Variants in SGCD observed in about 807,000 individuals in gnomAD.
The protein encoded by SGCD is delta-sarcoglycan.
SGCD carries 18 observed loss-of-function variants against 36.6 expected under a neutral mutation model. The observed-to-expected ratio is 0.49, with a 90% CI of 0.34 to 0.73. The LOEUF (loss-of-function observed/expected upper bound fraction) is 0.73. SGCD is among the 30% of genes least tolerant of loss of function. The pLI, the probability that SGCD is intolerant of heterozygous loss-of-function variation, is 0.01. For missense variants in SGCD, 387 were observed against 346.7 expected (o/e 1.12, Z -0.92); for synonymous variants, 133 against 130.6 (o/e 1.02, Z -0.12).
At chr5:156,412,696 C>T (rs1772824382) in intron 3 of SGCD, among the ~76,000 whole-genome samples, 2 of 152,102 alleles carry the variant, frequency 1.3e-5, no homozygotes, top group East Asian at 3.9e-4. Context: ...AATATTCATT[C>T]CTTAATGTGG....
At chr5:156,642,701 T>G (rs1469133873) in intron 6 of SGCD, among the ~76,000 whole-genome samples, 2 of 152,022 alleles carry the variant, frequency 1.3e-5, no homozygotes, top group Admixed American at 1.3e-4. Context: ...ACTCCTGACG[T>G]CATGATCCGC....
chr5:156,488,098 G>GT (rs559483068), intron 3 of SGCD, among the ~76,000 whole-genome samples: 9,872 of 91,384 alleles, frequency 0.11, 918 homozygotes, highest in East Asian at 0.21. Flanking sequence ...TTGAAGACAG[G>GT]TTTTTTTTTT....
intron 3 of SGCD, among the ~76,000 whole-genome samples, chr5:156,290,825 G>A (rs1766740089): frequency 6.6e-6 from 1 of 152,040 alleles, no homozygotes; most frequent in South Asian, 2.1e-4. Flanking sequence ...TGTAATCCCT[G>A]AACACATCTG....
intron 7 of SGCD, among the ~76,000 whole-genome samples, chr5:156,681,007 G>T (rs1483306624): frequency 6.6e-6 from 1 of 152,144 alleles, no homozygotes; most frequent in Non-Finnish European, 1.5e-5. Context: ...CTCCTCTCTG[G>T]CAGAAGCAGG....
chr5:156,097,545 T>G (rs1761411425), intron 1 of SGCD, among the ~76,000 whole-genome samples: 1 of 152,166 alleles, frequency 6.6e-6, no homozygotes, highest in African/African-American at 2.4e-5. Context: ...GTTATAGTAT[T>G]TTTTTGTTCT....
intron 7 of SGCD, among the ~76,000 whole-genome samples, chr5:156,677,433 G>T (rs910666213): frequency 6.6e-5 from 10 of 151,908 alleles, no homozygotes; most frequent in African/African-American, 1.9e-4. Context: ...CCAAACTATC[G>T]CAAGGACAGA....
intron 6 of SGCD, among the ~76,000 whole-genome samples, chr5:156,644,424 T>C (rs576071919): frequency 1.3e-5 from 2 of 152,130 alleles, no homozygotes; most frequent in Non-Finnish European, 2.9e-5. Flanking sequence ...TTTTTAGGGC[T>C]TTGATGTTTT....
chr5:156,598,123 T>C (rs897319982), intron 6 of SGCD, among the ~76,000 whole-genome samples: 1 of 152,224 alleles, frequency 6.6e-6, no homozygotes, highest in African/African-American at 2.4e-5. Context: ...TACATGTAAA[T>C]ATGTTCCTAA....
chr5:155,999,059 C>T (rs922433302), intron 1 of SGCD, among the ~76,000 whole-genome samples: 8 of 152,206 alleles, frequency 5.3e-5, no homozygotes, highest in Non-Finnish European at 1.0e-4. Context: ...ACCCCCACTC[C>T]TCCAACTCCC....
At chr5:155,852,219 G>T in the SGCD span, among the ~76,000 whole-genome samples, 14 of 152,090 alleles carry the variant, frequency 9.2e-5, no homozygotes, top group African/African-American at 3.1e-4. Flanking sequence ...TTTCCAAGGT[G>T]CCTTTTTCTT....
intron 4 of SGCD, among the ~76,000 whole-genome samples, chr5:156,536,905 G>A (rs1163078363): frequency 1.3e-5 from 2 of 152,142 alleles, no homozygotes; most frequent in Admixed American, 6.6e-5. Flanking sequence ...ATCTTCTGAT[G>A]TGCGAGCTGC....
chr5:155,894,574 C>A (rs1283030916), intron 1 of SGCD, among the ~76,000 whole-genome samples: 1 of 152,176 alleles, frequency 6.6e-6, no homozygotes, highest in Admixed American at 6.5e-5. Context: ...GTATTTACAG[C>A]CACTCCCCAT....
At chr5:156,219,091 A>AT (rs1279582414) in intron 3 of SGCD, among the ~76,000 whole-genome samples, 2 of 152,264 alleles carry the variant, frequency 1.3e-5, no homozygotes, top group East Asian at 1.9e-4. Context: ...TTCTTACTGT[A>AT]TTTTTTTGTA....
At chr5:156,469,723 T>G (rs1451718077) in intron 3 of SGCD, among the ~76,000 whole-genome samples, 1 of 152,230 alleles carries the variant, frequency 6.6e-6, no homozygotes, top group Non-Finnish European at 1.5e-5. Flanking sequence ...GTTTCTTACT[T>G]GAGATTAGCT....
At chr5:156,014,893 C>G (rs1282145723) in intron 1 of SGCD, among the ~76,000 whole-genome samples, 1 of 152,134 alleles carries the variant, frequency 6.6e-6, no homozygotes, top group Non-Finnish European at 1.5e-5. Flanking sequence ...TAGGGAAGTT[C>G]AGGTTATGCA....
chr5:155,832,942 G>C, the SGCD span, among the ~76,000 whole-genome samples: 1 of 151,766 alleles, frequency 6.6e-6, no homozygotes, highest in African/African-American at 2.4e-5. Context: ...GGCTGGGCAC[G>C]GTGGCTCATG....
At chr5:156,059,432 A>G (rs1760146571) in intron 1 of SGCD, among the ~76,000 whole-genome samples, 1 of 146,366 alleles carries the variant, frequency 6.8e-6, no homozygotes, top group South Asian at 2.1e-4. Flanking sequence ...GCTCTTTTAA[A>G]CTTTTATCAG....
chr5:156,455,133 G>A (rs1269668686), intron 3 of SGCD, among the ~76,000 whole-genome samples: 1 of 152,166 alleles, frequency 6.6e-6, no homozygotes, highest in Non-Finnish European at 1.5e-5. Flanking sequence ...TTTATTGTTA[G>A]GGTTGAATTA....
the SGCD span, among the ~76,000 whole-genome samples, chr5:155,805,945 G>C: frequency 0.26 from 40,095 of 152,052 alleles, 5,916 homozygotes; most frequent in Admixed American, 0.46. Flanking sequence ...GTTAGAAGCA[G>C]ACCATATTGG....
Sources: gnomAD v4.1 joint callset for allele counts (sites outside exome capture counted in the v4.1 genomes callset) on GRCh38, gnomAD v4.1.1 for gene constraint, MANE v1.5 for transcripts, NCBI Gene and HGNC (gene_info 2026-07-23, HGNC 2026-07-21) for gene names.